ATG5: variants seen among roughly 807,000 people sequenced by gnomAD.
The protein encoded by ATG5 is autophagy protein 5.
In ATG5, 14 loss-of-function variants were observed where a neutral mutation model predicts 36.5. The observed-to-expected ratio is 0.38, with a 90% confidence interval of 0.25 to 0.60. ATG5 has a LOEUF of 0.60. Among genes scored for constraint, ATG5 ranks in the 20% least tolerant of loss-of-function variants. The probability of loss-of-function intolerance (pLI) is 0.60; values close to 1 mark genes in which losing one functional copy is unlikely to be tolerated. For synonymous variants in ATG5, 95 were observed against 101.5 expected, an observed-to-expected ratio of 0.94 and a Z score of 0.38; for missense variants, 195 against 326.7, an observed-to-expected ratio of 0.60 and a Z score of 3.11.
intron 7 of ATG5, among the ~76,000 whole-genome samples, chr6:106,194,944 C>T (rs1212071563): frequency 6.6e-6 from 1 of 152,168 alleles, no homozygotes; most frequent in Admixed American, 6.5e-5. Context: ...TCAGGTCTGG[C>T]ACAGAAGCTT....
chr6:106,233,140 G>A (rs368285069), intron 6 of ATG5, among the ~76,000 whole-genome samples: 2 of 152,166 alleles, frequency 1.3e-5, no homozygotes, highest in South Asian at 4.1e-4. Flanking sequence ...TGGCTACAAG[G>A]TTTCCAAACC....
At chr6:106,191,919 T>C (rs546454507) in intron 7 of ATG5, among the ~76,000 whole-genome samples, 5 of 152,338 alleles carry the variant, frequency 3.3e-5, no homozygotes, top group East Asian at 3.9e-4. Flanking sequence ...AATTATGTGA[T>C]TGGCATACAA....
At chr6:106,310,985 T>C (rs1241670330) in intron 2 of ATG5, among the ~76,000 whole-genome samples, 4 of 152,216 alleles carry the variant, frequency 2.6e-5, no homozygotes, top group Non-Finnish European at 4.4e-5. Context: ...AGTGATTCAT[T>C]TTTATCTATA....
intron 6 of ATG5, among the ~76,000 whole-genome samples, chr6:106,244,155 G>GA (rs1778242698): frequency 6.6e-6 from 1 of 151,732 alleles, no homozygotes; most frequent in Admixed American, 6.6e-5. Context: ...AACTTTATTA[G>GA]AAAACAAGCA....
At chr6:106,260,225 T>C (rs1778963247) in intron 5 of ATG5, among the ~76,000 whole-genome samples, 1 of 152,196 alleles carries the variant, frequency 6.6e-6, no homozygotes, top group African/African-American at 2.4e-5. Context: ...ACCTGCACGT[T>C]GTGCACATGT....
At chr6:106,293,598 A>G (rs1780408655) in intron 3 of ATG5, among the ~76,000 whole-genome samples, 2 of 152,338 alleles carry the variant, frequency 1.3e-5, no homozygotes, top group South Asian at 4.1e-4. Context: ...CTACCTACAC[A>G]TACATATCTA....
At chr6:106,219,773 A>G (rs1017625773) in intron 6 of ATG5, among the ~76,000 whole-genome samples, 1 of 152,170 alleles carries the variant, frequency 6.6e-6, no homozygotes, top group Non-Finnish European at 1.5e-5. Flanking sequence ...CAACTAGTAT[A>G]ATTTTATGTT....
At chr6:106,307,540 T>A (rs1053387880) in intron 3 of ATG5, among the ~76,000 whole-genome samples, 1 of 149,176 alleles carries the variant, frequency 6.7e-6, no homozygotes, top group African/African-American at 2.5e-5. Flanking sequence ...ATACCCTTTT[T>A]TTTTTTTTTT....
intron 6 of ATG5, among the ~76,000 whole-genome samples, chr6:106,203,764 T>C (rs1415892330): frequency 1.3e-5 from 2 of 152,110 alleles, no homozygotes; most frequent in Non-Finnish European, 2.9e-5. Flanking sequence ...TACTTTTTTG[T>C]AGAAGGGGGT....
chr6:106,237,449 T>C (rs1777947146), intron 6 of ATG5, among the ~76,000 whole-genome samples: 1 of 152,236 alleles, frequency 6.6e-6, no homozygotes, highest in Non-Finnish European at 1.5e-5. Context: ...GAGGCAGATT[T>C]GTACTTTAGT....
chr6:106,228,528 T>G (rs538118265), intron 6 of ATG5, among the ~76,000 whole-genome samples: 1 of 152,198 alleles, frequency 6.6e-6, no homozygotes, highest in South Asian at 2.1e-4. Flanking sequence ...TTCCATTTAT[T>G]GGAATCCATG....
intron 5 of ATG5, among the ~76,000 whole-genome samples, chr6:106,273,761 A>C (rs1375069169): frequency 1.3e-5 from 2 of 152,246 alleles, no homozygotes; most frequent in Non-Finnish European, 2.9e-5. Context: ...AAGCAGAAGT[A>C]GTAAAAACAA....
intron 5 of ATG5, among the ~76,000 whole-genome samples, chr6:106,262,979 A>AC (rs1779087479): frequency 6.6e-6 from 1 of 152,126 alleles, no homozygotes. Flanking sequence ...GGCGCCTGGA[A>AC]CCCCAGAGAG....
chr6:106,295,260 A>G (rs10499049), intron 3 of ATG5, among the ~76,000 whole-genome samples: 7,979 of 152,278 alleles, frequency 0.052, 278 homozygotes, highest in Middle Eastern at 0.11. Context: ...ACAGGGTTAA[A>G]GATGAATGTA....
At chr6:106,257,172 G>C (rs1480541997) in intron 5 of ATG5, among the ~76,000 whole-genome samples, 2 of 152,068 alleles carry the variant, frequency 1.3e-5, no homozygotes, top group African/African-American at 4.8e-5. Context: ...AGTCTTTAGG[G>C]GCAATAACAT....
chr6:106,211,090 T>C (rs1368231869), intron 6 of ATG5, among the ~76,000 whole-genome samples: 1 of 152,208 alleles, frequency 6.6e-6, no homozygotes, highest in African/African-American at 2.4e-5. Context: ...GTTGGTTTAT[T>C]AAAAATGACC....
chr6:106,249,123 A>T (rs1157577208), intron 5 of ATG5, among the ~76,000 whole-genome samples: 1 of 152,166 alleles, frequency 6.6e-6, no homozygotes, highest in Non-Finnish European at 1.5e-5. Context: ...TAAATAAACA[A>T]CTTGAGATAT....
chr6:106,307,399 T>C (rs1447743500), intron 3 of ATG5, among the ~76,000 whole-genome samples: 1 of 152,166 alleles, frequency 6.6e-6, no homozygotes, highest in African/African-American at 2.4e-5. Context: ...TTTTTTTACA[T>C]TCTTCTCTCT....
At chr6:106,240,011 G>C (rs1778055507) in intron 6 of ATG5, among the ~76,000 whole-genome samples, 1 of 148,980 alleles carries the variant, frequency 6.7e-6, no homozygotes, top group South Asian at 2.1e-4. Context: ...TTTTTTTTTT[G>C]AGACGGGGTC....
Sources: allele counts gnomAD v4.1 joint callset (sites outside exome capture counted in the v4.1 genomes callset), GRCh38; gene constraint gnomAD v4.1.1; transcripts MANE v1.5; gene names NCBI Gene and HGNC (gene_info 2026-07-23, HGNC 2026-07-21).